Variants in TNFSF10 observed in about 807,000 individuals in gnomAD.
The protein encoded by TNFSF10 is tumor necrosis factor ligand superfamily member 10.
In TNFSF10, 13 loss-of-function variants were observed where a neutral mutation model predicts 29.5. The observed-to-expected ratio is 0.44, with a 90% CI of 0.29 to 0.70. The LOEUF (loss-of-function observed/expected upper bound fraction) is 0.70, where lower values mean the gene tolerates loss of function less well. TNFSF10 is among the 30% of genes least tolerant of loss of function. The probability of loss-of-function intolerance (pLI) is 0.13; values close to 1 mark genes in which losing one functional copy is unlikely to be tolerated. For synonymous variants in TNFSF10, 111 were observed against 112.8 expected (o/e 0.98, Z 0.10); for missense variants, 345 against 330.9 (o/e 1.04, Z -0.33).
intron 1 of TNFSF10, 95 bp from the exon 2 acceptor site, chr3:172,515,093 TAAAG>T (rs1713377182): frequency 6.4e-7 from 1 of 1,559,850 alleles, no homozygotes; most frequent in Non-Finnish European, 8.7e-7. Flanking sequence ...ATAGCAGACT[TAAAG>T]AAGTTTTGGC....
rs1713123855 is a variant in TNFSF10, at chr3:172,509,332, A to G, written c.314-11T>C. On this transcript the variant is annotated splice_polypyrimidine_tract_variant and intron_variant, in intron 3 of 4. Transcript: ENST00000241261. ...TATTTTGTTGCTTTTCTAAAAGAGA[A>G]ATGATAAAGGGTCATCAACACTTGC... 2 of 1,609,586 alleles carry G rather than the reference A, an allele frequency of 1.2e-6. No homozygotes were observed. The highest frequency in any genetic ancestry group is 2.2e-5 in the South Asian group (2 of 90,778).
chr3:172,509,976 CAAAAAAAAAAA>C lies in TNFSF10; in HGVS notation c.314-666_314-656del, dbSNP rs11290814. ...CCTGGGCAACAGAGCAAGACTCCGT[CAAAAAAAAAAA>C]AAAAAAAAAGAAATGTAACAAATGA... is the stretch of plus-strand genomic sequence containing the variant. On this transcript the variant is annotated intron_variant, in intron 3 of 4. Coordinates refer to ENST00000241261, the MANE Select transcript of TNFSF10 (RefSeq NM_003810.4). Among the ~76,000 whole-genome samples, 9 of 101,914 alleles carry C rather than the reference CAAAAAAAAAAA, an allele frequency of 8.8e-5. No homozygotes were observed. The East Asian group carries it at 2.5e-3, about 29-fold the overall frequency. The allele number at this position is 101,914 out of a possible 152,430, so 66.9% of individuals were successfully genotyped here.
intron 4 of TNFSF10, 53 bp downstream of exon 4, chr3:172,509,164 G>A (rs1234618028): frequency 6.8e-7 from 1 of 1,460,132 alleles, no homozygotes; most frequent in Non-Finnish European, 9.5e-7. Flanking sequence ...AAGTTACTTG[G>A]CACAATCCTT....
intron 2 of TNFSF10, among the ~76,000 whole-genome samples, chr3:172,514,338 C>A (rs1053735184): frequency 3.3e-5 from 5 of 152,122 alleles, no homozygotes; most frequent in African/African-American, 1.2e-4. Flanking sequence ...AAAAAACCAC[C>A]TTCAATTTCT....
chr3:172,521,199 G>T (rs1047670967), intron 1 of TNFSF10, among the ~76,000 whole-genome samples: 9 of 152,170 alleles, frequency 5.9e-5, no homozygotes, highest in Admixed American at 2.0e-4. Context: ...ATTGACAAAT[G>T]GGATCTAATT....
chr3:172,515,078 A>C, intron 1 of TNFSF10, 80 bp from the exon 2 acceptor site: 3 of 1,588,194 alleles, frequency 1.9e-6, no homozygotes, highest in Non-Finnish European at 2.6e-6. Context: ...AGACAACAGA[A>C]ACTGATAGCA....
chr3:172,506,626 C>G lies in TNFSF10; in HGVS notation c.712G>C (p.Gly238Arg). Reference sequence around the variant, plus strand: ...CCCCCTTGATAGATGGAATAGAGTCCATATTCTGCATCTTTAGACCAACAA... The same window carrying G: ...CCCCCTTGATAGATGGAATAGAGTCGATATTCTGCATCTTTAGACCAACAA... ...NSCWSKDAEY[G>R]LYSIYQGGIF... The change falls in exon 5 of 5, where the codon GGA becomes CGA. Residue 238 changes from glycine to arginine, a missense_variant. Physicochemically the swap from Gly to Arg is moderately radical, Grantham distance 125. Transcript: ENST00000241261. The G allele has an allele frequency of 6.2e-7, 1 of 1,614,126 alleles. No individual in the cohort carries two copies. Among genetic ancestry groups the G allele is most frequent in the South Asian group, 1.1e-5 (1 of 91,070 alleles).
In TNFSF10 at chr3:172,523,337, G is replaced by A. The variant is rs146728851; in HGVS notation, c.48C>T (p.Cys16=). The change falls in exon 1 of 5, where the codon TGC becomes TGT. Residue 16 remains cysteine (C), a synonymous_variant. Coordinates refer to ENST00000241261, the MANE Select transcript of TNFSF10 (RefSeq NM_003810.4). ...VQGGPSLGQT[C]VLIVIFTVLL... is the part of the protein sequence containing the mutation. ...GCACTGTGAAGATCACGATCAGCAC[G>A]CAGGTCTGTCCCAGGCTGGGTCCCC... The A allele has an allele frequency of 6.8e-6, 11 of 1,613,898 alleles. No homozygotes were observed. Among genetic ancestry groups the A allele is most frequent in the Admixed American group, 1.7e-5 (1 of 59,994 alleles).
intron 3 of TNFSF10, chr3:172,511,380 G>A (rs1007910214): frequency 2.7e-6 from 1 of 375,872 alleles, no homozygotes; most frequent in Admixed American, 4.6e-5. Flanking sequence ...TCATGGGGAA[G>A]AATAAAATTA....
chr3:172,510,017 C>T (rs927576567), intron 3 of TNFSF10, among the ~76,000 whole-genome samples: 4 of 149,526 alleles, frequency 2.7e-5, no homozygotes, highest in Non-Finnish European at 5.9e-5. Context: ...AAATGACTTT[C>T]TCTAAAAGAA....
chr3:172,517,496 A>C, intron 1 of TNFSF10: 2 of 985,224 alleles, frequency 2.0e-6, no homozygotes, highest in Non-Finnish European at 2.4e-6. Flanking sequence ...GGAAAAGTAA[A>C]GAACACTTTT....
At chr3:172,522,840 C>G (rs1713757858) in intron 1 of TNFSF10, among the ~76,000 whole-genome samples, 1 of 152,006 alleles carries the variant, frequency 6.6e-6, no homozygotes, top group Non-Finnish European at 1.5e-5. Context: ...AAAATGGGCA[C>G]CAAAGAACCT....
At chr3:172,513,834 A>ATTTTTTTTTTTTTTTT (rs5854474) in intron 2 of TNFSF10, among the ~76,000 whole-genome samples, 1 of 146,590 alleles carries the variant, frequency 6.8e-6, no homozygotes, top group Non-Finnish European at 1.5e-5. Context: ...GGCAGAAGCA[A>ATTTTTTTTTTTTTTTT]TTTTTTTTTT....
intron 1 of TNFSF10, chr3:172,518,534 A>G (rs1577014958): frequency 2.5e-6 from 3 of 1,179,374 alleles, no homozygotes; most frequent in Non-Finnish European, 3.4e-6. Context: ...TTTCCTCCCC[A>G]TCTATGATGT....
Position 172,519,385 on chromosome 3 carries a change from G to T in TNFSF10, c.132+3868C>A, listed in dbSNP as rs1188027405. On this transcript the variant is annotated intron_variant, in intron 1 of 4. Transcript: ENST00000241261. The stretch of plus-strand genomic sequence containing the variant: ...GAGTCAGTTGAGTAAAGAACTGGTT[G>T]ATTCAATCTTAAAATTAGTCCAACT... Among the ~76,000 whole-genome samples, 4 of 152,262 alleles carry T rather than the reference G, an allele frequency of 2.6e-5. No individual in the cohort carries two copies. The East Asian group carries it at 7.7e-4, about 29-fold the overall frequency.
At chr3:172,510,478 T>C (rs1427774008) in intron 3 of TNFSF10, among the ~76,000 whole-genome samples, 2 of 152,084 alleles carry the variant, frequency 1.3e-5, no homozygotes, top group Non-Finnish European at 2.9e-5. Context: ...TAGGAAAGCC[T>C]AGATTTGAAA....
intron 4 of TNFSF10, 62 bp downstream of exon 4, chr3:172,509,153 TAA>T: frequency 7.2e-7 from 1 of 1,381,250 alleles, no homozygotes; most frequent in Non-Finnish European, 1.0e-6. Flanking sequence ...CTTTAAAAAA[TAA>T]GTTACTTGGC....
In TNFSF10 at chr3:172,511,666, A is replaced by T; in HGVS notation, c.271-7T>A. ...CAGAGGTTCTCAAAATCATCTGCAA[A>T]TATTATTGAATAAAGCTTGTTAATT... On this transcript the variant is annotated splice_region_variant and splice_polypyrimidine_tract_variant and intron_variant, in intron 2 of 4. Coordinates refer to ENST00000241261, the MANE Select transcript of TNFSF10 (RefSeq NM_003810.4). 2 of 1,610,410 alleles carry T rather than the reference A, an allele frequency of 1.2e-6. No individual in the cohort carries two copies.
chr3:172,514,711 T>TG (rs1438873993), intron 2 of TNFSF10, 150 bp downstream of exon 2: 1 of 1,095,900 alleles, frequency 9.1e-7, no homozygotes, highest in Admixed American at 2.8e-5. Context: ...TCTATGAATT[T>TG]GGGGAAAATT....
Sources: gnomAD v4.1 joint callset for allele counts (sites outside exome capture counted in the v4.1 genomes callset) on GRCh38, gnomAD v4.1.1 for gene constraint, MANE v1.5 for transcripts, NCBI Gene and HGNC (gene_info 2026-07-23, HGNC 2026-07-21) for gene names.